PRELID2: variants seen among roughly 807,000 people sequenced by gnomAD.
PRELID2 encodes PRELI domain containing 2.
PRELID2 carries 25 observed loss-of-function variants against 28.4 expected under a neutral mutation model. That is an observed-to-expected ratio of 0.88 (90% confidence interval 0.64 to 1.23). PRELID2 has a LOEUF of 1.23. Among genes scored for constraint, PRELID2 ranks in the 50% most tolerant of loss-of-function variants. The pLI, the probability that PRELID2 is intolerant of heterozygous loss-of-function variation, is 0.00. For missense variants in PRELID2, 201 were observed against 214.4 expected (o/e 0.94, Z 0.39); for synonymous variants, 76 against 71.6 (o/e 1.06, Z -0.31).
intron 1 of PRELID2, among the ~76,000 whole-genome samples, chr5:145,724,656 A>G: frequency 9.7e-6 from 1 of 103,116 alleles, no homozygotes; most frequent in African/African-American, 3.0e-5. Flanking sequence ...TAATGCCTGT[A>G]ACTTACTTGC....
chr5:145,597,291 T>C (rs987964753), intron 1 of PRELID2, among the ~76,000 whole-genome samples: 2 of 152,166 alleles, frequency 1.3e-5, no homozygotes, highest in African/African-American at 4.8e-5. Context: ...TTTCCTTTAC[T>C]ATCCCTAGAA....
At chr5:145,334,186 C>G in the PRELID2 span, among the ~76,000 whole-genome samples, 1,458 of 149,610 alleles carry the variant, frequency 9.7e-3, 18 homozygotes, top group Non-Finnish European at 0.013. Context: ...GTTGATCTCA[C>G]TGGGAGCTGC....
the PRELID2 span, among the ~76,000 whole-genome samples, chr5:145,265,872 T>C: frequency 2.0e-5 from 3 of 152,108 alleles, no homozygotes; most frequent in African/African-American, 7.2e-5. Context: ...AAGATAACAT[T>C]GCAAAATCCC....
chr5:145,804,063 A>C (rs1252820787), intron 4 of PRELID2, among the ~76,000 whole-genome samples: 2 of 152,182 alleles, frequency 1.3e-5, no homozygotes, highest in African/African-American at 4.8e-5. Flanking sequence ...CCCATCCCAG[A>C]AACCAACAGG....
At chr5:145,637,860 G>T (rs577717004) in intron 1 of PRELID2, among the ~76,000 whole-genome samples, 1 of 144,078 alleles carries the variant, frequency 6.9e-6, no homozygotes, top group South Asian at 2.1e-4. Context: ...TCCCAGGCTA[G>T]AGTGCAATGG....
intron 1 of PRELID2, among the ~76,000 whole-genome samples, chr5:145,697,582 C>A (rs1561547827): frequency 6.6e-6 from 1 of 152,170 alleles, no homozygotes; most frequent in African/African-American, 2.4e-5. Context: ...GTAGTGACAA[C>A]AGAGACTCTA....
intron 1 of PRELID2, among the ~76,000 whole-genome samples, chr5:145,581,862 C>T (rs1753110486): frequency 6.6e-6 from 1 of 152,104 alleles, no homozygotes; most frequent in African/African-American, 2.4e-5. Flanking sequence ...TTATTTCAAA[C>T]AGTAAATGCT....
At chr5:145,263,904 T>C in the PRELID2 span, among the ~76,000 whole-genome samples, 1 of 151,986 alleles carries the variant, frequency 6.6e-6, no homozygotes, top group African/African-American at 2.4e-5. Context: ...CTGAATTCTT[T>C]GTTTTTGAGA....
chr5:145,405,706 T>G, the PRELID2 span, among the ~76,000 whole-genome samples: 5 of 144,850 alleles, frequency 3.5e-5, no homozygotes, highest in Admixed American at 2.1e-4. Flanking sequence ...ATAGTTGTTT[T>G]TTTTTTTTTT....
chr5:145,741,685 ATTT>A (rs1756777664), intron 1 of PRELID2, among the ~76,000 whole-genome samples: 1 of 11,638 alleles, frequency 8.6e-5, no homozygotes, highest in Non-Finnish European at 3.4e-4. Context: ...TTTATAAATA[ATTT>A]ATTTATATAT....
At chr5:145,574,849 T>C (rs891640478) in intron 1 of PRELID2, among the ~76,000 whole-genome samples, 6 of 152,214 alleles carry the variant, frequency 3.9e-5, no homozygotes, top group African/African-American at 1.2e-4. Flanking sequence ...GTAAATGCTA[T>C]GTAAGTAGCT....
At chr5:145,264,453 C>T in the PRELID2 span, among the ~76,000 whole-genome samples, 3 of 152,034 alleles carry the variant, frequency 2.0e-5, no homozygotes, top group Admixed American at 6.6e-5. Context: ...CCCTTTATGA[C>T]TCAAACCCTC....
At chr5:145,512,602 C>G (rs553046726) in intron 1 of PRELID2, among the ~76,000 whole-genome samples, 1 of 152,190 alleles carries the variant, frequency 6.6e-6, no homozygotes, top group Admixed American at 6.5e-5. Context: ...CTGAAGAGAG[C>G]AGCGGATGTC....
intron 1 of PRELID2, among the ~76,000 whole-genome samples, chr5:145,708,314 A>G (rs80331675): frequency 6.6e-6 from 1 of 152,040 alleles, no homozygotes; most frequent in Non-Finnish European, 1.5e-5. Flanking sequence ...AAAAAAAAAA[A>G]GGATAGATTC....
intron 1 of PRELID2, among the ~76,000 whole-genome samples, chr5:145,481,515 C>A (rs1414546046): frequency 6.7e-6 from 1 of 148,932 alleles, no homozygotes; most frequent in Admixed American, 6.8e-5. Flanking sequence ...AATAATGGTA[C>A]TCTAGAGAAT....
intron 4 of PRELID2, among the ~76,000 whole-genome samples, chr5:145,798,450 T>A (rs1752908509): frequency 6.6e-6 from 1 of 152,214 alleles, no homozygotes; most frequent in Admixed American, 6.5e-5. Context: ...TCAACCATTG[T>A]GGAAGACAGT....
At chr5:145,563,327 A>G (rs1213972651) in intron 1 of PRELID2, among the ~76,000 whole-genome samples, 2 of 152,222 alleles carry the variant, frequency 1.3e-5, no homozygotes. Flanking sequence ...AGAAATGGAG[A>G]ATCAGATTCC....
chr5:145,342,283 A>T, the PRELID2 span, among the ~76,000 whole-genome samples: 2 of 152,212 alleles, frequency 1.3e-5, no homozygotes, highest in East Asian at 1.9e-4. Flanking sequence ...AAGCAAAAGG[A>T]TGACATTTAC....
intron 1 of PRELID2, among the ~76,000 whole-genome samples, chr5:145,494,468 G>A (rs1752292289): frequency 6.6e-6 from 1 of 152,148 alleles, no homozygotes. Context: ...GTCATAGCTA[G>A]TTAATTGGTA....
Sources: gnomAD v4.1 joint callset for allele counts (sites outside exome capture counted in the v4.1 genomes callset) on GRCh38, gnomAD v4.1.1 for gene constraint, MANE v1.5 for transcripts, NCBI Gene and HGNC (gene_info 2026-07-23, HGNC 2026-07-21) for gene names.